Variants in DLG2 observed in about 807,000 individuals in gnomAD.
DLG2 encodes the protein disks large homolog 2.
A neutral mutation model predicts 132.5 loss-of-function variants in DLG2; 45 were observed. That is an observed-to-expected ratio of 0.34 (90% confidence interval 0.27 to 0.44). DLG2 has a LOEUF of 0.44. DLG2 is among the 20% of genes least tolerant of loss of function. The probability of loss-of-function intolerance (pLI) is 1.00; values close to 1 mark genes in which losing one functional copy is unlikely to be tolerated. For missense variants in DLG2, 1,045 were observed against 1,196.9 expected (o/e 0.87, Z 1.87); for synonymous variants, 424 against 419.6 (o/e 1.01, Z -0.13).
intron 16 of DLG2, among the ~76,000 whole-genome samples, chr11:83,858,100 C>T (rs1033803716): frequency 2.6e-5 from 4 of 152,144 alleles, no homozygotes; most frequent in African/African-American, 9.7e-5. Flanking sequence ...GACATTCGAT[C>T]TAGCACAATG....
chr11:84,041,762 G>T (rs940783741), intron 11 of DLG2, among the ~76,000 whole-genome samples: 6 of 151,810 alleles, frequency 4.0e-5, no homozygotes, highest in Admixed American at 3.9e-4. Context: ...ATGTTGATAT[G>T]GTTTGGCTAT....
intron 21 of DLG2, among the ~76,000 whole-genome samples, chr11:83,529,405 C>T (rs886644503): frequency 2.6e-5 from 4 of 152,022 alleles, no homozygotes; most frequent in Admixed American, 6.6e-5. Flanking sequence ...TTCTTATTGA[C>T]GTATTTTCTC....
intron 6 of DLG2, among the ~76,000 whole-genome samples, chr11:84,942,598 T>C (rs1271878104): frequency 6.6e-6 from 1 of 152,204 alleles, no homozygotes. Context: ...TTTTAAATTA[T>C]TACAATTTTT....
chr11:83,821,217 G>A lies in DLG2; in HGVS notation c.1722+12397C>T, dbSNP rs143268765. On this transcript the variant is annotated intron_variant, in intron 17 of 27. Transcript: ENST00000376104. ...TGTTCAGAACCTGAGCAGAGAAAGG[G>A]CCAATGCTGCCCTTGGGAATTTGAA... is the stretch of plus-strand genomic sequence containing the variant. 5.1e-3 allele frequency among the ~76,000 whole-genome samples: 782 copies of A among 152,296 alleles called. 11 individuals are homozygous for A. The highest frequency in any genetic ancestry group is 0.018 in the African/African-American group (739 of 41,556).
At chr11:85,292,930 G>A in intron 3 of DLG2, among the ~76,000 whole-genome samples, 1 of 152,036 alleles carries the variant, frequency 6.6e-6, no homozygotes, top group East Asian at 1.9e-4. Flanking sequence ...AGAAAGTAAG[G>A]AAGTGCTCAA....
intron 3 of DLG2, among the ~76,000 whole-genome samples, chr11:85,589,974 T>C (rs2079209616): frequency 6.6e-6 from 1 of 152,162 alleles, no homozygotes. Context: ...AGTATAATAA[T>C]ATGAATTTGA....
intron 21 of DLG2, among the ~76,000 whole-genome samples, chr11:83,492,436 G>A (rs2093907249): frequency 6.6e-6 from 1 of 151,928 alleles, no homozygotes; most frequent in African/African-American, 2.4e-5. Context: ...TCCCTCCCCA[G>A]CTAGGAGCCT....
chr11:84,180,816 T>C (rs1440355882), intron 8 of DLG2, among the ~76,000 whole-genome samples: 3 of 151,934 alleles, frequency 2.0e-5, no homozygotes, highest in African/African-American at 7.2e-5. Flanking sequence ...TAAAAATTTA[T>C]AAAATTATCC....
At chr11:84,691,244 T>A (rs1378708145) in intron 6 of DLG2, among the ~76,000 whole-genome samples, 1 of 151,806 alleles carries the variant, frequency 6.6e-6, no homozygotes, top group African/African-American at 2.4e-5. Flanking sequence ...TAGGAACATA[T>A]CATCTCCTCC....
At chr11:83,828,638 C>G (rs2053586583) in intron 17 of DLG2, among the ~76,000 whole-genome samples, 1 of 152,184 alleles carries the variant, frequency 6.6e-6, no homozygotes, top group Admixed American at 6.5e-5. Context: ...ACGAAACACA[C>G]TTTGGGAAAT....
chr11:83,816,209 C>G (rs1196745025), intron 17 of DLG2, among the ~76,000 whole-genome samples: 1 of 152,158 alleles, frequency 6.6e-6, no homozygotes, highest in East Asian at 1.9e-4. Flanking sequence ...TCCCACATTC[C>G]AGGACTACAT....
intron 3 of DLG2, among the ~76,000 whole-genome samples, chr11:85,531,730 C>T (rs1228852193): frequency 6.6e-5 from 10 of 152,070 alleles, no homozygotes; most frequent in Non-Finnish European, 1.2e-4. Context: ...GGTTACACAG[C>T]GGTGGAGGGG....
chr11:85,517,780 G>A (rs2094198202), intron 3 of DLG2, among the ~76,000 whole-genome samples: 1 of 152,008 alleles, frequency 6.6e-6, no homozygotes, highest in Non-Finnish European at 1.5e-5. Context: ...GCTTGGCTGT[G>A]TCCCCACCCA....
chr11:83,648,258 G>A (rs1591662820), intron 18 of DLG2, among the ~76,000 whole-genome samples: 1 of 152,246 alleles, frequency 6.6e-6, no homozygotes, highest in South Asian at 2.1e-4. Context: ...AAAGAGGATG[G>A]TGCTTAAGAA....
At chr11:84,968,838 C>G (rs2053669559) in intron 6 of DLG2, among the ~76,000 whole-genome samples, 1 of 152,106 alleles carries the variant, frequency 6.6e-6, no homozygotes, top group African/African-American at 2.4e-5. Flanking sequence ...CTTCTAGGCT[C>G]TGATTAGCCT....
chr11:83,831,515 T>G (rs1237736467), intron 17 of DLG2, among the ~76,000 whole-genome samples: 1 of 151,970 alleles, frequency 6.6e-6, no homozygotes, highest in Non-Finnish European at 1.5e-5. Flanking sequence ...AAACTGTGTG[T>G]GTGTGTGTGT....
In DLG2 at chr11:83,665,667, A is replaced by G. The variant is rs137964905; in HGVS notation, c.1826-32342T>C. On this transcript the variant is annotated intron_variant, in intron 18 of 27. Transcript: ENST00000376104. ...AATGTTACTTTAACTACAATAATAA[A>G]TATTCAAACCATTCCGTATGTTCTA... 1.1e-3 allele frequency among the ~76,000 whole-genome samples: 168 copies of G among 152,354 alleles called. 1 individual carries two copies. Among genetic ancestry groups the G allele is most frequent in the African/African-American group, 3.8e-3 (159 of 41,594 alleles).
At chr11:85,371,845 C>T (rs1413380351) in intron 3 of DLG2, among the ~76,000 whole-genome samples, 2 of 152,202 alleles carry the variant, frequency 1.3e-5, no homozygotes, top group Non-Finnish European at 2.9e-5. Context: ...CCATCAAAGC[C>T]AGTCCAAAAG....
intron 7 of DLG2, among the ~76,000 whole-genome samples, chr11:84,519,019 G>A (rs2099283973): frequency 6.6e-6 from 1 of 152,108 alleles, no homozygotes; most frequent in Admixed American, 6.5e-5. Flanking sequence ...AATTGAGTTG[G>A]AGACATCCAA....
Sources: allele counts gnomAD v4.1 joint callset (sites outside exome capture counted in the v4.1 genomes callset), GRCh38; gene constraint gnomAD v4.1.1; transcripts MANE v1.5; gene names NCBI Gene and HGNC (gene_info 2026-07-23, HGNC 2026-07-21).